Variants in GRIN2B observed in about 807,000 individuals in gnomAD.
GRIN2B encodes glutamate ionotropic receptor NMDA type subunit 2B.
In GRIN2B, 5 loss-of-function variants were observed where a neutral mutation model predicts 114.5. The observed-to-expected ratio is 0.04, with a 90% confidence interval of 0.02 to 0.09. GRIN2B has a LOEUF of 0.09. GRIN2B is among the 10% of genes least tolerant of loss of function. The pLI is 1.00. For missense variants in GRIN2B, 1,108 were observed against 1,943.5 expected (o/e 0.57, Z 8.08); for synonymous variants, 787 against 745.1 (o/e 1.06, Z -0.92).
intron 5 of GRIN2B, among the ~76,000 whole-genome samples, chr12:13,635,026 A>G (rs1290573258): frequency 6.6e-6 from 1 of 152,176 alleles, no homozygotes; most frequent in Non-Finnish European, 1.5e-5. Flanking sequence ...TTTTTAGTCA[A>G]TACTTCACTG....
At chr12:13,586,323 A>G (rs544593252) in intron 10 of GRIN2B, among the ~76,000 whole-genome samples, 2 of 152,340 alleles carry the variant, frequency 1.3e-5, no homozygotes, top group East Asian at 3.9e-4. Context: ...ATTTCTTTAT[A>G]TAAGCTTTCT....
At chr12:13,864,616 T>C (rs748247499) in intron 3 of GRIN2B, among the ~76,000 whole-genome samples, 5 of 152,078 alleles carry the variant, frequency 3.3e-5, no homozygotes, top group Admixed American at 6.5e-5. Context: ...CAATAATCAG[T>C]AAAGCAAGGA....
At chr12:13,935,721 T>C (rs531123104) in intron 2 of GRIN2B, among the ~76,000 whole-genome samples, 1 of 152,314 alleles carries the variant, frequency 6.6e-6, no homozygotes, top group African/African-American at 2.4e-5. Flanking sequence ...AAATATTCAA[T>C]AAATGCTAAC....
intron 2 of GRIN2B, among the ~76,000 whole-genome samples, chr12:13,946,744 GATATGTGTATTTTACCACAGTTTAAA>G (rs1164639979): frequency 4.6e-5 from 7 of 152,100 alleles, no homozygotes; most frequent in Non-Finnish European, 8.8e-5. Flanking sequence ...TACATTTTAT[GATATGTGTATTTTACCACAGTTTAAA>G]ATATGTGTAT....
At chr12:13,960,974 G>C (rs1167177523) in intron 2 of GRIN2B, among the ~76,000 whole-genome samples, 1 of 152,188 alleles carries the variant, frequency 6.6e-6, no homozygotes, top group African/African-American at 2.4e-5. Context: ...CTATGGAGGA[G>C]AGAATGCTCA....
At chr12:13,728,961 C>T (rs561324834) in intron 4 of GRIN2B, among the ~76,000 whole-genome samples, 2 of 152,246 alleles carry the variant, frequency 1.3e-5, no homozygotes, top group African/African-American at 4.8e-5. Context: ...AAACCCTTAC[C>T]TCCCTCAGCA....
At chr12:13,708,180 G>C (rs1950379030) in intron 4 of GRIN2B, among the ~76,000 whole-genome samples, 1 of 152,118 alleles carries the variant, frequency 6.6e-6, no homozygotes, top group African/African-American at 2.4e-5. Flanking sequence ...TTTTGGAAAT[G>C]AGCTGGCAAT....
chr12:13,723,528 A>G lies in GRIN2B; in HGVS notation c.1010+29789T>C, dbSNP rs987124833. On this transcript the variant is annotated intron_variant, in intron 4 of 13. Transcript: ENST00000609686. ...ATAAGCTAGTGCCTCATTCTCTGCC[A>G]TCAAAGGAACTCAGGTAAGATAACT... is the stretch of plus-strand genomic sequence containing the variant. Among the ~76,000 whole-genome samples the G allele has an allele frequency of 3.9e-5, 6 of 152,034 alleles. 1 individual carries two copies. The highest frequency in any genetic ancestry group is 1.3e-4 in the Admixed American group (2 of 15,258).
chr12:13,567,536 C>T (rs1470012797), intron 12 of GRIN2B, among the ~76,000 whole-genome samples: 1 of 152,202 alleles, frequency 6.6e-6, no homozygotes, highest in Non-Finnish European at 1.5e-5. Context: ...TCCCGCTCTC[C>T]ATTATCTAGC....
Position 13,564,160 on chromosome 12 carries a change from G to A in GRIN2B, c.3078C>T (p.Gly1026=), listed in dbSNP as rs1555102406. The A allele has an allele frequency of 6.2e-7, 1 of 1,614,154 alleles. No individual in the cohort carries two copies. Among genetic ancestry groups the A allele is most frequent in the Non-Finnish European group, 8.5e-7 (1 of 1,180,020 alleles). ...GCTGGCTGTGCTTGGAGGAGGGGAG[G>A]CCGATGTCCAGGGGCTTCTTGCTGA... The part of the protein sequence containing the change: ...RSISKKPLDI[G]LPSSKHSQLS... Residue 1026 remains glycine, a synonymous_variant, in exon 14 of 14, where the codon GGC becomes GGT. Transcript: ENST00000609686. This position sits in a 1 kb window ranked among gnomAD's most constrained non-coding sequence, Gnocchi z 4.8.
At chr12:13,586,288 C>A (rs1024701564) in intron 10 of GRIN2B, among the ~76,000 whole-genome samples, 4 of 152,170 alleles carry the variant, frequency 2.6e-5, no homozygotes, top group Admixed American at 6.5e-5. Context: ...CAGGAATATC[C>A]TAGAAACTGT....
chr12:13,934,271 A>C (rs1867089305), intron 2 of GRIN2B, among the ~76,000 whole-genome samples: 1 of 152,232 alleles, frequency 6.6e-6, no homozygotes, highest in Non-Finnish European at 1.5e-5. Flanking sequence ...GTTTTATTCA[A>C]AAATCAAAAA....
At chr12:13,979,191 A>G (rs548381796) in intron 2 of GRIN2B, among the ~76,000 whole-genome samples, 52 of 152,338 alleles carry the variant, frequency 3.4e-4, no homozygotes, top group Non-Finnish European at 6.3e-4. Flanking sequence ...CAAAAATAAT[A>G]GCACAGGAAA....
intron 3 of GRIN2B, among the ~76,000 whole-genome samples, chr12:13,840,234 T>C (rs1865355200): frequency 6.6e-6 from 1 of 152,172 alleles, no homozygotes; most frequent in Non-Finnish European, 1.5e-5. Context: ...ATTTTGTTCA[T>C]TCGGTAGGGA....
intron 3 of GRIN2B, among the ~76,000 whole-genome samples, chr12:13,833,323 C>G (rs943326975): frequency 6.6e-6 from 1 of 152,130 alleles, no homozygotes; most frequent in African/African-American, 2.4e-5. Flanking sequence ...CTGGTCCTCA[C>G]GAGGAGATGA....
chr12:13,563,980 C>T lies in GRIN2B; in HGVS notation c.3258G>A (p.Lys1086=). 1 of 1,614,236 alleles carries T rather than the reference C, an allele frequency of 6.2e-7. No homozygotes were observed. Among genetic ancestry groups the T allele is most frequent in the Non-Finnish European group, 8.5e-7 (1 of 1,180,044 alleles). Residue 1086 remains lysine (K), a synonymous_variant, in exon 14 of 14, where the codon AAG becomes AAA. Coordinates refer to ENST00000609686, the MANE Select transcript of GRIN2B (RefSeq NM_000834.5). Reference sequence around the variant, plus strand: ...AGGCAGGCCGCTTCTTCAGGCTGTCCTTATATTGCTGCTTACGCCTCTTGG... The same window carrying T: ...AGGCAGGCCGCTTCTTCAGGCTGTCTTTATATTGCTGCTTACGCCTCTTGG... ...NAAKRRKQQY[K]DSLKKRPASA...
Position 13,977,858 on chromosome 12 carries a change from A to G in GRIN2B, c.-19+2070T>C, listed in dbSNP as rs185057941. Among the ~76,000 whole-genome samples, 3 of 152,278 alleles carry G rather than the reference A, an allele frequency of 2.0e-5. No individual in the cohort carries two copies. In the East Asian group the frequency reaches 5.8e-4, roughly 29 times the overall value. ...CCTTGAATCTTAACAAGCCTCTTCCAGTTGGATTACCTCTCCTTTCCCTTT... is the reference window on the plus strand; with the variant it reads ...CCTTGAATCTTAACAAGCCTCTTCCGGTTGGATTACCTCTCCTTTCCCTTT... On this transcript the variant is annotated intron_variant, in intron 2 of 13. Coordinates refer to ENST00000609686, the MANE Select transcript of GRIN2B (RefSeq NM_000834.5).
chr12:13,959,060 G>A (rs1318486369), intron 2 of GRIN2B, among the ~76,000 whole-genome samples: 5 of 152,172 alleles, frequency 3.3e-5, no homozygotes, highest in Non-Finnish European at 5.9e-5. Context: ...GTAAATTAAT[G>A]TAGGCCAAGT....
At chr12:13,739,473 A>G (rs929149304) in intron 4 of GRIN2B, among the ~76,000 whole-genome samples, 1 of 151,092 alleles carries the variant, frequency 6.6e-6, no homozygotes, top group African/African-American at 2.4e-5. Flanking sequence ...TACTTTATTC[A>G]ACATTACTGC....
Sources: gnomAD v4.1 joint callset for allele counts (sites outside exome capture counted in the v4.1 genomes callset) on GRCh38, gnomAD v4.1.1 for gene constraint, Gnocchi (gnomAD v3.1) non-coding constraint, MANE v1.5 for transcripts, NCBI Gene and HGNC (gene_info 2026-07-23, HGNC 2026-07-21) for gene names.